CERS6: variants seen among roughly 807,000 people sequenced by gnomAD.
The protein encoded by CERS6 is LAG1 homolog, ceramide synthase 6.
In CERS6, 26 loss-of-function variants were observed where a neutral mutation model predicts 56.8. That is an observed-to-expected ratio of 0.46 (90% confidence interval 0.34 to 0.63). CERS6 has a LOEUF of 0.63. Among genes scored for constraint, CERS6 ranks in the 30% least tolerant of loss-of-function variants. The pLI, the probability that CERS6 is intolerant of heterozygous loss-of-function variation, is 0.01. For missense variants in CERS6, 415 were observed against 467.5 expected (o/e 0.89, Z 1.04); for synonymous variants, 164 against 173.3 (o/e 0.95, Z 0.42).
intron 1 of CERS6, among the ~76,000 whole-genome samples, chr2:168,518,831 A>G (rs1264080016): frequency 6.6e-6 from 1 of 152,148 alleles, no homozygotes; most frequent in Non-Finnish European, 1.5e-5. Context: ...CTGTTAACAG[A>G]TGGGTGCATC....
chr2:168,529,256 C>A (rs1272038949), intron 1 of CERS6, among the ~76,000 whole-genome samples: 1 of 152,204 alleles, frequency 6.6e-6, no homozygotes, highest in African/African-American at 2.4e-5. Context: ...GTGAAACAGG[C>A]ACATGGTAAG....
chr2:168,553,910 G>A (rs966334269), intron 2 of CERS6, among the ~76,000 whole-genome samples: 4 of 152,144 alleles, frequency 2.6e-5, no homozygotes, highest in African/African-American at 9.7e-5. Context: ...TCTAAGAGGG[G>A]AGTCAAAGCA....
At chr2:168,728,935 G>A (rs1008972259) in intron 8 of CERS6, among the ~76,000 whole-genome samples, 3 of 151,238 alleles carry the variant, frequency 2.0e-5, no homozygotes, top group East Asian at 2.0e-4. Context: ...GCCAGAACCC[G>A]GGATGCGGAG....
At chr2:168,670,965 T>TC (rs1685893692) in intron 4 of CERS6, among the ~76,000 whole-genome samples, 2 of 23,108 alleles carry the variant, frequency 8.7e-5, no homozygotes, top group African/African-American at 1.4e-4. Flanking sequence ...GGATACATGC[T>TC]TCCCCCCCCC....
At chr2:168,575,421 T>C (rs1574075328) in intron 3 of CERS6, among the ~76,000 whole-genome samples, 1 of 148,360 alleles carries the variant, frequency 6.7e-6, no homozygotes, top group South Asian at 2.2e-4. Context: ...AGAGTGAGAG[T>C]GAGGAAGTGC....
At chr2:168,552,874 A>G (rs1695601529) in intron 2 of CERS6, among the ~76,000 whole-genome samples, 2 of 152,222 alleles carry the variant, frequency 1.3e-5, no homozygotes, top group African/African-American at 2.4e-5. Context: ...AAGAAAGTAT[A>G]GCAACTCCTG....
At position 168,476,796 on chromosome 2, in the gene CERS6, G is replaced by A. The variant is rs1423063036; in HGVS notation, c.170+20178G>A. 2.0e-5 allele frequency among the ~76,000 whole-genome samples: 3 copies of A among 151,968 alleles called. No individual in the cohort carries two copies. The East Asian group carries it at 5.8e-4, about 29-fold the overall frequency. ...GTTTTTTTTCTATCCAAGACCCCAG[G>A]CAATTGGATAGTGTCTGCCCATATT... On this transcript the variant is annotated intron_variant, in intron 1 of 9. Transcript: ENST00000305747.
At chr2:168,562,700 A>G (rs1695813397) in intron 3 of CERS6, among the ~76,000 whole-genome samples, 1 of 152,196 alleles carries the variant, frequency 6.6e-6, no homozygotes. Flanking sequence ...AATTGAACAA[A>G]TGTATAGTCG....
intron 4 of CERS6, among the ~76,000 whole-genome samples, chr2:168,645,594 C>T (rs533326757): frequency 1.3e-5 from 2 of 152,134 alleles, no homozygotes; most frequent in East Asian, 3.9e-4. Context: ...CAGAGGTAAA[C>T]TCATTATCAC....
chr2:168,559,472 A>G (rs1486383663), intron 2 of CERS6, among the ~76,000 whole-genome samples: 1 of 151,990 alleles, frequency 6.6e-6, no homozygotes, highest in Non-Finnish European at 1.5e-5. Flanking sequence ...GCACATGGCC[A>G]TCTTCTCTTG....
chr2:168,590,694 C>T (rs1683651413), intron 3 of CERS6, among the ~76,000 whole-genome samples: 1 of 152,144 alleles, frequency 6.6e-6, no homozygotes. Context: ...AAGCACTACA[C>T]TTAAATGTGT....
At chr2:168,539,810 T>C (rs893196781) in intron 1 of CERS6, among the ~76,000 whole-genome samples, 2 of 152,202 alleles carry the variant, frequency 1.3e-5, no homozygotes, top group Non-Finnish European at 2.9e-5. Context: ...TTCTCCTTTA[T>C]TGAATTTTTA....
intron 8 of CERS6, among the ~76,000 whole-genome samples, chr2:168,745,247 AT>A (rs11453117): frequency 7.3e-5 from 11 of 149,840 alleles, no homozygotes; most frequent in South Asian, 4.2e-4. Flanking sequence ...CAGTTTAAAA[AT>A]TTTTTTTTTT....
At chr2:168,513,908 C>A (rs1358355689) in intron 1 of CERS6, among the ~76,000 whole-genome samples, 1 of 152,142 alleles carries the variant, frequency 6.6e-6, no homozygotes, top group Non-Finnish European at 1.5e-5. Flanking sequence ...ATCTCACCAC[C>A]TCCCCTCAGC....
chr2:168,570,029 C>G (rs1695955861), intron 3 of CERS6, among the ~76,000 whole-genome samples: 1 of 152,128 alleles, frequency 6.6e-6, no homozygotes, highest in Non-Finnish European at 1.5e-5. Flanking sequence ...TCTGTCACAG[C>G]CATGCCCTGG....
chr2:168,685,001 A>T (rs866343910), intron 4 of CERS6, among the ~76,000 whole-genome samples: 16 of 152,198 alleles, frequency 1.1e-4, no homozygotes, highest in Admixed American at 1.3e-4. Flanking sequence ...GAGTAGTTTT[A>T]GTGAAAGTAG....
chr2:168,624,103 C>T lies in CERS6; in HGVS notation c.408-6882C>T, dbSNP rs570625193. On this transcript the variant is annotated intron_variant, in intron 3 of 9. Transcript: ENST00000305747. ...CTGTAAAACACCTGTAAGACCGAATCGTTGCATTCAGTGAGCTGTTTTTCT... is the reference window on the plus strand; with the variant it reads ...CTGTAAAACACCTGTAAGACCGAATTGTTGCATTCAGTGAGCTGTTTTTCT... 2.0e-5 allele frequency among the ~76,000 whole-genome samples: 3 copies of T among 152,248 alleles called. No homozygotes were observed. The East Asian group carries it at 5.8e-4, about 29-fold the overall frequency.
intron 1 of CERS6, among the ~76,000 whole-genome samples, chr2:168,457,663 C>T (rs1339946927): frequency 1.3e-5 from 2 of 152,116 alleles, no homozygotes; most frequent in African/African-American, 2.4e-5. Flanking sequence ...TTGCATTTCT[C>T]GCTTCCACTC....
chr2:168,765,886 C>T, intron 9 of CERS6, 138 bp downstream of exon 9: 1 of 738,186 alleles, frequency 1.4e-6, no homozygotes, highest in Non-Finnish European at 2.2e-6. Flanking sequence ...TGAGTCATTT[C>T]CTTTTCTAGT....
Sources: gnomAD v4.1 joint callset for allele counts (sites outside exome capture counted in the v4.1 genomes callset) on GRCh38, gnomAD v4.1.1 for gene constraint, MANE v1.5 for transcripts, NCBI Gene and HGNC (gene_info 2026-07-23, HGNC 2026-07-21) for gene names.